Variants in C2CD3 observed in about 807,000 individuals in gnomAD.
C2CD3 encodes the protein C2 domain containing 3 centriole elongation regulator.
A neutral mutation model predicts 234.0 loss-of-function variants in C2CD3; 148 were observed. The observed-to-expected ratio is 0.63, with a 90% CI of 0.55 to 0.72. The LOEUF (loss-of-function observed/expected upper bound fraction) is 0.72. Ranked by LOEUF, C2CD3 falls within the 30% of genes least tolerant of loss-of-function variation. The pLI is 0.00. For synonymous variants in C2CD3, 1,000 were observed against 1,035.4 expected (o/e 0.97, Z 0.66); for missense variants, 2,577 against 2,811.5 (o/e 0.92, Z 1.89).
intron 10 of C2CD3, among the ~76,000 whole-genome samples, 158 bp downstream of exon 10, chr11:74,114,226 A>C (rs556815508): frequency 6.6e-6 from 1 of 152,210 alleles, no homozygotes; most frequent in East Asian, 1.9e-4. Flanking sequence ...TTACTTACAC[A>C]GTTCTTGGGA....
chr11:74,013,723 G>A (rs1270687085), intron 32 of C2CD3, among the ~76,000 whole-genome samples, 198 bp from the exon 33 acceptor site: 1 of 152,128 alleles, frequency 6.6e-6, no homozygotes, highest in Non-Finnish European at 1.5e-5. Context: ...CCCATGTCGT[G>A]GATAAGGAAA....
At chr11:74,086,656 T>C (rs1289369962) in intron 20 of C2CD3, among the ~76,000 whole-genome samples, 2 of 152,180 alleles carry the variant, frequency 1.3e-5, no homozygotes, top group Non-Finnish European at 2.9e-5. Flanking sequence ...GGGGCTGCTT[T>C]TATCTTTCTC....
chr11:74,043,237 A>G (rs1381177191), intron 28 of C2CD3, among the ~76,000 whole-genome samples: 1 of 152,242 alleles, frequency 6.6e-6, no homozygotes, highest in Non-Finnish European at 1.5e-5. Flanking sequence ...ATGGAATCAT[A>G]TAATATGTGT....
chr11:74,125,551 G>C (rs1957385410), intron 7 of C2CD3, among the ~76,000 whole-genome samples: 1 of 151,916 alleles, frequency 6.6e-6, no homozygotes, highest in South Asian at 2.1e-4. Context: ...AAAAATGAAG[G>C]ACCCACTCTC....
intron 8 of C2CD3, among the ~76,000 whole-genome samples, chr11:74,119,833 A>C (rs1957152293): frequency 6.6e-6 from 1 of 151,914 alleles, no homozygotes; most frequent in African/African-American, 2.4e-5. Context: ...ACAGGGTTTC[A>C]CCATGTTGTC....
intron 7 of C2CD3, among the ~76,000 whole-genome samples, chr11:74,127,867 CT>C (rs1184737721): frequency 1.9e-3 from 274 of 142,622 alleles, no homozygotes; most frequent in Middle Eastern, 3.7e-3. Context: ...TGTATATTGG[CT>C]TTTTTTTTTT....
chr11:74,080,037 T>A (rs1955269683), intron 22 of C2CD3, among the ~76,000 whole-genome samples: 1 of 152,192 alleles, frequency 6.6e-6, no homozygotes, highest in Non-Finnish European at 1.5e-5. Context: ...AAAGTTTACA[T>A]AAATAGGCAG....
intron 12 of C2CD3, among the ~76,000 whole-genome samples, chr11:74,107,152 G>A (rs868185957): frequency 2.0e-5 from 3 of 151,922 alleles, no homozygotes; most frequent in East Asian, 3.9e-4. Flanking sequence ...TGAAACCCCC[G>A]TCTCTACTAA....
chr11:74,052,129 A>C (rs1416331187), intron 26 of C2CD3, among the ~76,000 whole-genome samples: 1 of 152,174 alleles, frequency 6.6e-6, no homozygotes, highest in Non-Finnish European at 1.5e-5. Flanking sequence ...TACATACACT[A>C]AGTAGTGGTC....
chr11:74,069,049 C>T (rs1954677796), intron 24 of C2CD3, among the ~76,000 whole-genome samples: 1 of 152,208 alleles, frequency 6.6e-6, no homozygotes, highest in African/African-American at 2.4e-5. Context: ...CTGTCTGCCT[C>T]AGCCTCCCAA....
At chr11:74,163,574 G>A (rs1277482636) in intron 2 of C2CD3, among the ~76,000 whole-genome samples, 2 of 152,118 alleles carry the variant, frequency 1.3e-5, no homozygotes, top group Non-Finnish European at 2.9e-5. Flanking sequence ...TTTTATAAGG[G>A]GCTTCCTGCT....
At chr11:74,020,278 C>A (rs1242358835) in intron 32 of C2CD3, among the ~76,000 whole-genome samples, 1 of 152,248 alleles carries the variant, frequency 6.6e-6, no homozygotes, top group East Asian at 1.9e-4. Flanking sequence ...TTGTTTCAGT[C>A]CAGGCCCATC....
chr11:74,131,019 A>G (rs1438917428), intron 7 of C2CD3, among the ~76,000 whole-genome samples: 1 of 151,298 alleles, frequency 6.6e-6, no homozygotes, highest in Non-Finnish European at 1.5e-5. Context: ...CCCAGACTGG[A>G]GTGTAGTAAT....
At chr11:74,106,829 A>G (rs1956540318) in intron 12 of C2CD3, among the ~76,000 whole-genome samples, 1 of 152,238 alleles carries the variant, frequency 6.6e-6, no homozygotes, top group African/African-American at 2.4e-5. Flanking sequence ...TTTTGCTATT[A>G]AAACTAGGGA....
intron 9 of C2CD3, among the ~76,000 whole-genome samples, chr11:74,116,965 C>T (rs1356438780): frequency 4.7e-4 from 46 of 96,922 alleles, no homozygotes; most frequent in African/African-American, 1.1e-3. Flanking sequence ...TGTGTATATA[C>T]ACATATACAC....
chr11:74,137,535 G>GTATATA (rs58789501), intron 5 of C2CD3, among the ~76,000 whole-genome samples: 1 of 147,370 alleles, frequency 6.8e-6, no homozygotes, highest in East Asian at 2.0e-4. Flanking sequence ...ATCTTGGAGT[G>GTATATA]TATATATATA....
intron 32 of C2CD3, among the ~76,000 whole-genome samples, chr11:74,014,760 C>T (rs943388082): frequency 5.3e-5 from 8 of 152,220 alleles, no homozygotes; most frequent in Admixed American, 4.6e-4. Context: ...TGGAGTCAGG[C>T]ATCCCTGATC....
intron 24 of C2CD3, among the ~76,000 whole-genome samples, chr11:74,067,636 T>A (rs1188251241): frequency 2.0e-5 from 3 of 152,176 alleles, no homozygotes; most frequent in Admixed American, 2.0e-4. Flanking sequence ...ATATTACTAA[T>A]GTAAATGTAT....
At chr11:74,090,994 A>G in intron 19 of C2CD3, 58 bp from the exon 20 acceptor site, 1 of 1,594,852 alleles carries the variant, frequency 6.3e-7, no homozygotes, top group Non-Finnish European at 8.6e-7. Flanking sequence ...GTTCCACCAA[A>G]CCACAAAGTT....
Sources: allele counts gnomAD v4.1 joint callset (sites outside exome capture counted in the v4.1 genomes callset), GRCh38; gene constraint gnomAD v4.1.1; transcripts MANE v1.5; gene names NCBI Gene and HGNC (gene_info 2026-07-23, HGNC 2026-07-21).